FMO1: variants seen among roughly 807,000 people sequenced by gnomAD.
FMO1 encodes the protein flavin containing dimethylaniline monoxygenase 1.
A neutral mutation model predicts 45.4 loss-of-function variants in FMO1; 36 were observed. That is an observed-to-expected ratio of 0.79 (90% CI 0.61 to 1.05). The LOEUF is 1.05. Ranked by LOEUF, FMO1 falls within the 50% of genes least tolerant of loss-of-function variation. FMO1 has a pLI of 0.00. For synonymous variants in FMO1, 228 were observed against 227.2 expected (o/e 1.00, Z -0.03); for missense variants, 615 against 640.3 (o/e 0.96, Z 0.43).
Position 171,283,155 on chromosome 1 carries a change from T to C in FMO1, c.1195T>C (p.Leu399=). The change falls in exon 8 of 9, where the codon TTA becomes CTA. Residue 399 remains leucine, a synonymous_variant. Transcript: ENST00000617670. ...TTTTAATCCTACAGGTGTAAATAAGTTACCACCACCAAGTGTCATGATAGA... is the reference window on the plus strand; with the variant it reads ...TTTTAATCCTACAGGTGTAAATAAGCTACCACCACCAAGTGTCATGATAGA... The part of the protein sequence containing the change: ...AVRVLKGVNK[L]PPPSVMIEEI... 1 of 1,571,920 alleles carries C rather than the reference T, an allele frequency of 6.4e-7. No homozygotes were observed. The highest frequency in any genetic ancestry group is 8.7e-7 in the Non-Finnish European group (1 of 1,151,408).
At chr1:171,279,887 T>A (rs1329560909) in intron 5 of FMO1, among the ~76,000 whole-genome samples, 1 of 152,152 alleles carries the variant, frequency 6.6e-6, no homozygotes, top group African/African-American at 2.4e-5. Context: ...TGTCTTTAGT[T>A]CCCCTTTGCT....
At chr1:171,252,083 G>T (rs1659921853) in intron 1 of FMO1, among the ~76,000 whole-genome samples, 1 of 152,076 alleles carries the variant, frequency 6.6e-6, no homozygotes, top group South Asian at 2.1e-4. Flanking sequence ...TCACTAACAA[G>T]AAATTATTTT....
At chr1:171,252,237 C>T (rs1265684757) in intron 1 of FMO1, among the ~76,000 whole-genome samples, 1 of 152,102 alleles carries the variant, frequency 6.6e-6, no homozygotes, top group African/African-American at 2.4e-5. Flanking sequence ...TCCGATCCCA[C>T]CCCAGGCCCT....
intron 3 of FMO1, among the ~76,000 whole-genome samples, chr1:171,274,871 A>G (rs186499811): frequency 1.3e-5 from 2 of 152,346 alleles, no homozygotes; most frequent in Admixed American, 1.3e-4. Flanking sequence ...AGCACTTTTC[A>G]ATTGCTTTCT....
Position 171,285,449 on chromosome 1 carries a change from C to T in FMO1, c.1504C>T (p.Arg502Ter), listed in dbSNP as rs60639054. 1,478 of 1,598,996 alleles carry T rather than the reference C, an allele frequency of 9.2e-4. 15 individuals are homozygous for T. The African/African-American group carries it at 0.016, about 18-fold the overall frequency. ...CCGAACATTCAAGGTCATCAAAGCT[C>T]GAGTTGTACAAGAGTCTCCATCTCC... ...WDRTFKVIKA[R>*]VVQESPSPFE... The change falls in exon 9 of 9, where the codon CGA (arginine) becomes TGA (stop). Residue 502 changes from arginine (R) to a stop codon, truncating the protein, a stop_gained. Transcript: ENST00000617670. LOFTEE classifies it low-confidence loss of function (END_TRUNC).
chr1:171,267,398 A>G (rs993148193), intron 2 of FMO1, 145 bp from the exon 3 acceptor site: 3 of 544,880 alleles, frequency 5.5e-6, no homozygotes, highest in Admixed American at 3.6e-5. Flanking sequence ...CCATCATTCA[A>G]ATAAATACTA....
At chr1:171,282,973 AC>A in intron 7 of FMO1, 170 bp from the exon 8 acceptor site, 1 of 504,844 alleles carries the variant, frequency 2.0e-6, no homozygotes, top group Non-Finnish European at 3.6e-6. Context: ...CGGCATTATT[AC>A]CAGGAGCATA....
rs1659730971 is a variant in FMO1 at position 171,248,531 on chromosome 1, C to A, written c.-99C>A. 6.6e-6 allele frequency: 1 copy of A among 152,196 alleles called. No homozygotes were observed. The highest frequency in any genetic ancestry group is 1.5e-5 in the Non-Finnish European group (1 of 68,034). 9.4% of individuals were successfully genotyped at this position (152,196 alleles called of 1,614,324 possible). ...TCCACTGTGCTGGGGACTCCCAAGCCAGCACTGGCTCATACTGATTCATTT... is the reference window on the plus strand; with the variant it reads ...TCCACTGTGCTGGGGACTCCCAAGCAAGCACTGGCTCATACTGATTCATTT... On this transcript the variant is annotated 5_prime_UTR_variant, in exon 1 of 9. Coordinates refer to ENST00000617670, the MANE Select transcript of FMO1 (RefSeq NM_001282693.2).
intron 8 of FMO1, among the ~76,000 whole-genome samples, chr1:171,284,916 T>C (rs1661557208): frequency 6.6e-6 from 1 of 152,078 alleles, no homozygotes; most frequent in South Asian, 2.1e-4. Flanking sequence ...AATTTTAAAA[T>C]ATATTTTCCT....
intron 1 of FMO1, among the ~76,000 whole-genome samples, chr1:171,257,321 C>T (rs1441345567): frequency 1.3e-5 from 2 of 152,072 alleles, no homozygotes; most frequent in Non-Finnish European, 2.9e-5. Flanking sequence ...TGGCCTGGTG[C>T]CAGAAGATTC....
At position 171,276,691 on chromosome 1, in the gene FMO1, G is replaced by C. The variant is rs28360404; in HGVS notation, c.484+1183G>C. On this transcript the variant is annotated intron_variant, in intron 4 of 8. Coordinates refer to ENST00000617670, the MANE Select transcript of FMO1 (RefSeq NM_001282693.2). The stretch of plus-strand genomic sequence containing the variant: ...GTAACCTGTATTGGAGGAATGAATA[G>C]AGTTTTATGGAGTCCAGTGGAGAAA... 2.2e-3 allele frequency among the ~76,000 whole-genome samples: 333 copies of C among 152,320 alleles called. 3 individuals are homozygous for C. The highest frequency in any genetic ancestry group is 0.019 in the Admixed American group (291 of 15,302).
At chr1:171,283,939 C>A (rs574845585) in intron 8 of FMO1, among the ~76,000 whole-genome samples, 1 of 152,194 alleles carries the variant, frequency 6.6e-6, no homozygotes, top group South Asian at 2.1e-4. Flanking sequence ...GTTTATTGAG[C>A]ACTTCTCTAT....
intron 3 of FMO1, among the ~76,000 whole-genome samples, chr1:171,270,040 C>T (rs979569076): frequency 6.6e-5 from 10 of 152,160 alleles, no homozygotes; most frequent in African/African-American, 2.2e-4. Context: ...GCATTTTAAG[C>T]TCACGCTTTT....
chr1:171,259,606 C>A (rs1048819149), intron 2 of FMO1, among the ~76,000 whole-genome samples: 1 of 152,202 alleles, frequency 6.6e-6, no homozygotes, highest in African/African-American at 2.4e-5. Context: ...AACTGCCTAA[C>A]TAAATTAGCC....
chr1:171,254,969 G>T (rs28384842), intron 1 of FMO1, among the ~76,000 whole-genome samples: 6,405 of 152,284 alleles, frequency 0.042, 189 homozygotes, highest in East Asian at 0.14. Flanking sequence ...CAGACTGATT[G>T]CTGCTCTAGA....
chr1:171,271,594 G>T, intron 3 of FMO1: 2 of 778,210 alleles, frequency 2.6e-6, no homozygotes, highest in East Asian at 2.4e-5. Context: ...CCAATGTTTA[G>T]TTATTTTTCC....
chr1:171,284,869 G>A (rs917196531), intron 8 of FMO1, among the ~76,000 whole-genome samples: 3 of 151,888 alleles, frequency 2.0e-5, no homozygotes, highest in Admixed American at 2.0e-4. Context: ...CATTGGATTT[G>A]TTATTACTGA....
intron 2 of FMO1, among the ~76,000 whole-genome samples, chr1:171,266,006 T>C (rs1402333081): frequency 1.3e-5 from 2 of 152,232 alleles, no homozygotes; most frequent in East Asian, 3.8e-4. Context: ...TAATGTATCT[T>C]CAGTCTTTTA....
At chr1:171,265,251 C>T (rs1270277708) in intron 2 of FMO1, among the ~76,000 whole-genome samples, 2 of 151,660 alleles carry the variant, frequency 1.3e-5, no homozygotes, top group East Asian at 2.0e-4. Context: ...ATTAGCCAAG[C>T]GTGGTGGCGG....
Sources: gnomAD v4.1 joint callset for allele counts (sites outside exome capture counted in the v4.1 genomes callset) on GRCh38, gnomAD v4.1.1 for gene constraint, MANE v1.5 for transcripts, NCBI Gene and HGNC (gene_info 2026-07-23, HGNC 2026-07-21) for gene names.